GRIA4: variants seen among roughly 807,000 people sequenced by gnomAD.
GRIA4 encodes the protein glutamate ionotropic receptor AMPA type subunit 4, also known as glutamate receptor 4.
A neutral mutation model predicts 104.0 loss-of-function variants in GRIA4; 34 were observed. The observed-to-expected ratio is 0.33, with a 90% confidence interval of 0.25 to 0.44. The LOEUF is 0.44. Among genes scored for constraint, GRIA4 ranks in the 20% least tolerant of loss-of-function variants. The pLI is 1.00. For missense variants in GRIA4, 750 were observed against 1,096.5 expected (o/e 0.68, Z 4.46); for synonymous variants, 386 against 381.9 (o/e 1.01, Z -0.13).
In GRIA4 at chr11:105,924,485, C is replaced by T. The variant is rs755274379; in HGVS notation, c.1563C>T (p.Gly521=). 6.2e-6 allele frequency: 10 copies of T among 1,612,586 alleles called. No individual in the cohort carries two copies. Among genetic ancestry groups the T allele is most frequent in the Admixed American group, 1.7e-5 (1 of 59,932 alleles). Residue 521 remains glycine (G), a synonymous_variant, in exon 12 of 17, where the codon GGC becomes GGT. Transcript: ENST00000282499. The part of the protein sequence containing the change: ...IDFSKPFMSL[G]ISIMIKKPQK... Reference sequence around the variant, plus strand: ...TTTCTAAGCCCTTCATGAGTTTGGGCATATCTATCATGATCAAAAAGCCTC... The same window carrying T: ...TTTCTAAGCCCTTCATGAGTTTGGGTATATCTATCATGATCAAAAAGCCTC...
chr11:105,885,430 G>A (rs1381266554), intron 5 of GRIA4, among the ~76,000 whole-genome samples: 1 of 152,192 alleles, frequency 6.6e-6, no homozygotes, highest in Non-Finnish European at 1.5e-5. Flanking sequence ...ATAAAACATG[G>A]AGGAAGGTTA....
intron 6 of GRIA4, among the ~76,000 whole-genome samples, chr11:105,895,259 G>GTGTGTGTGTC (rs1946611510): frequency 6.7e-6 from 1 of 150,336 alleles, no homozygotes; most frequent in African/African-American, 2.5e-5. Flanking sequence ...ATGCGTGTGT[G>GTGTGTGTGTC]TGTGTGTGTG....
At chr11:105,919,589 T>C (rs1947504302) in intron 11 of GRIA4, among the ~76,000 whole-genome samples, 5 of 152,080 alleles carry the variant, frequency 3.3e-5, no homozygotes, top group Admixed American at 3.3e-4. Context: ...TGATATTGAG[T>C]GTACACATTC....
intron 14 of GRIA4, among the ~76,000 whole-genome samples, chr11:105,947,015 G>T (rs1395242553): frequency 6.6e-6 from 1 of 152,138 alleles, no homozygotes; most frequent in Non-Finnish European, 1.5e-5. Flanking sequence ...ATACATTTTT[G>T]TTAGAGGTTA....
chr11:105,688,422 G>A (rs7102293), intron 3 of GRIA4, among the ~76,000 whole-genome samples: 2,595 of 152,006 alleles, frequency 0.017, 72 homozygotes, highest in African/African-American at 0.058. Flanking sequence ...TTAGCCGGGC[G>A]TGGTGGCGTG....
intron 3 of GRIA4, among the ~76,000 whole-genome samples, chr11:105,740,563 T>C (rs1043181766): frequency 3.9e-5 from 6 of 152,192 alleles, no homozygotes; most frequent in African/African-American, 1.4e-4. Flanking sequence ...TTCTCCTACA[T>C]AAAAGACGTA....
chr11:105,814,188 G>T (rs1943286860), intron 4 of GRIA4, among the ~76,000 whole-genome samples: 1 of 152,152 alleles, frequency 6.6e-6, no homozygotes, highest in South Asian at 2.1e-4. Context: ...TAAGTGCAAA[G>T]TAAGTCCATG....
intron 3 of GRIA4, among the ~76,000 whole-genome samples, chr11:105,722,514 T>TA (rs1455239116): frequency 6.6e-6 from 1 of 152,102 alleles, no homozygotes; most frequent in Admixed American, 6.6e-5. Flanking sequence ...AGTTACCTGA[T>TA]AAAAAATTTA....
At chr11:105,822,787 A>T (rs1257574275) in intron 4 of GRIA4, among the ~76,000 whole-genome samples, 1 of 152,184 alleles carries the variant, frequency 6.6e-6, no homozygotes, top group African/African-American at 2.4e-5. Context: ...TGGGGTTAAT[A>T]TGTCACAAAA....
intron 3 of GRIA4, among the ~76,000 whole-genome samples, chr11:105,640,286 T>C (rs1000755995): frequency 6.6e-6 from 1 of 151,964 alleles, no homozygotes; most frequent in African/African-American, 2.4e-5. Context: ...TTTTCTTGTA[T>C]TCTCAGAATT....
At chr11:105,931,999 C>T (rs1473332447) in intron 13 of GRIA4, among the ~76,000 whole-genome samples, 1 of 151,302 alleles carries the variant, frequency 6.6e-6, no homozygotes, top group Non-Finnish European at 1.5e-5. Flanking sequence ...GTACACACTA[C>T]TCAGCACTGA....
At chr11:105,636,776 G>A (rs1377407954) in intron 3 of GRIA4, among the ~76,000 whole-genome samples, 1 of 152,166 alleles carries the variant, frequency 6.6e-6, no homozygotes, top group Non-Finnish European at 1.5e-5. Context: ...TGGAGTGACA[G>A]TGTCCCTCAA....
rs1286881054 is a variant in GRIA4 at position 105,980,180 on chromosome 11, T to G, written c.*441T>G. 1.3e-5 allele frequency: 2 copies of G among 153,384 alleles called. No homozygotes were observed. The highest frequency in any genetic ancestry group is 2.9e-5 in the Non-Finnish European group (2 of 68,782). 9.5% of individuals were successfully genotyped at this position (153,384 alleles called of 1,614,324 possible). On this transcript the variant is annotated 3_prime_UTR_variant, in exon 17 of 17. Coordinates refer to ENST00000282499, the MANE Select transcript of GRIA4 (RefSeq NM_000829.4). Reference sequence around the variant, plus strand: ...CTGTGTCTCCAGAACATCCATATAGTCCATGGAAGAAAATCCAGCTGAGAA... The same window carrying G: ...CTGTGTCTCCAGAACATCCATATAGGCCATGGAAGAAAATCCAGCTGAGAA...
chr11:105,806,601 A>G (rs574814961), intron 4 of GRIA4, among the ~76,000 whole-genome samples: 2 of 152,024 alleles, frequency 1.3e-5, no homozygotes, highest in African/African-American at 2.4e-5. Flanking sequence ...TTGCAGACAC[A>G]AAACAGTTTA....
At chr11:105,878,634 A>G (rs959365316) in intron 5 of GRIA4, among the ~76,000 whole-genome samples, 2 of 152,164 alleles carry the variant, frequency 1.3e-5, no homozygotes, top group African/African-American at 4.8e-5. Flanking sequence ...GAATCTAGAG[A>G]GGGAGTCTGG....
At chr11:105,767,732 G>C (rs552116520) in intron 4 of GRIA4, among the ~76,000 whole-genome samples, 1 of 152,062 alleles carries the variant, frequency 6.6e-6, no homozygotes, top group Admixed American at 6.6e-5. Context: ...AATCTTTATA[G>C]CATTCTAATG....
intron 10 of GRIA4, among the ~76,000 whole-genome samples, chr11:105,914,690 G>C (rs1287216250): frequency 1.3e-5 from 2 of 152,134 alleles, no homozygotes; most frequent in Non-Finnish European, 2.9e-5. Context: ...TCACTAAGAA[G>C]TAATACATTT....
chr11:105,720,351 G>T (rs1310664451), intron 3 of GRIA4, among the ~76,000 whole-genome samples: 4 of 151,950 alleles, frequency 2.6e-5, no homozygotes, highest in Admixed American at 1.3e-4. Context: ...CTTCATCATT[G>T]CTGAACTGTG....
At chr11:105,816,615 T>A (rs1390604732) in intron 4 of GRIA4, among the ~76,000 whole-genome samples, 8 of 152,178 alleles carry the variant, frequency 5.3e-5, no homozygotes, top group Non-Finnish European at 1.2e-4. Context: ...CAGTCTCAGA[T>A]ATTTCTTAAT....
Sources: allele counts gnomAD v4.1 joint callset (sites outside exome capture counted in the v4.1 genomes callset), GRCh38; gene constraint gnomAD v4.1.1; transcripts MANE v1.5; gene names NCBI Gene and HGNC (gene_info 2026-07-23, HGNC 2026-07-21).